The following BRD4 variants were observed in gnomAD, a reference collection of about 807,000 sequenced individuals.
The protein encoded by BRD4 is bromodomain containing 4, also known as bromodomain-containing protein 4.
BRD4 carries 16 observed loss-of-function variants against 142.1 expected under a neutral mutation model. The ratio of observed to expected loss-of-function variants is 0.11; its 90% CI spans 0.08 to 0.17. BRD4 has a LOEUF of 0.17. Ranked by LOEUF, BRD4 falls within the 10% of genes least tolerant of loss-of-function variation. The pLI is 1.00. For missense variants in BRD4, 1,424 were observed against 1,810.9 expected (o/e 0.79, Z 3.88); for synonymous variants, 833 against 707.5 (o/e 1.18, Z -2.82).
intron 11 of BRD4, chr19:15,253,728 G>C (rs563115748): frequency 2.5e-6 from 4 of 1,598,468 alleles, no homozygotes; most frequent in Non-Finnish European, 3.4e-6. Flanking sequence ...CGCACTGCAC[G>C]TGACTGTGAT....
At chr19:15,281,945 G>A (rs555424874) in intron 1 of BRD4, among the ~76,000 whole-genome samples, 35 of 152,298 alleles carry the variant, frequency 2.3e-4, no homozygotes, top group African/African-American at 8.4e-4. Flanking sequence ...TTGAACTTGG[G>A]AGGCAGAGGT....
At chr19:15,297,769 C>T (rs1268422695) in intron 1 of BRD4, among the ~76,000 whole-genome samples, 1 of 152,054 alleles carries the variant, frequency 6.6e-6, no homozygotes. Flanking sequence ...AGCCAGCCTT[C>T]GTCACAGCAG....
chr19:15,244,006 T>C (rs1022692868), intron 13 of BRD4, among the ~76,000 whole-genome samples: 1 of 152,250 alleles, frequency 6.6e-6, no homozygotes, highest in Non-Finnish European at 1.5e-5. Flanking sequence ...GTCAGTGTTT[T>C]AGAAACAAAA....
chr19:15,312,707 A>G (rs565397215), intron 1 of BRD4, among the ~76,000 whole-genome samples: 39 of 151,324 alleles, frequency 2.6e-4, no homozygotes, highest in African/African-American at 9.5e-4. Context: ...AGGCTGAGGT[A>G]GGTGAACCAC....
At chr19:15,326,153 TAAAAAAA>T (rs755812111) in intron 1 of BRD4, among the ~76,000 whole-genome samples, 1 of 100,956 alleles carries the variant, frequency 9.9e-6, no homozygotes, top group East Asian at 2.7e-4. Flanking sequence ...AATGTAGCAT[TAAAAAAA>T]AAAAAAAAAA....
chr19:15,254,705 G>A (rs983889621), intron 10 of BRD4, among the ~76,000 whole-genome samples: 19 of 152,094 alleles, frequency 1.2e-4, no homozygotes, highest in African/African-American at 3.6e-4. Context: ...TCAGACGCAC[G>A]CTGGAATCAT....
intron 1 of BRD4, among the ~76,000 whole-genome samples, chr19:15,297,374 C>T (rs1382038848): frequency 6.6e-6 from 1 of 152,200 alleles, no homozygotes; most frequent in Non-Finnish European, 1.5e-5. Context: ...ATGGACTATA[C>T]TGCTGCTCCC....
At chr19:15,246,795 C>G (rs543986190) in intron 11 of BRD4, among the ~76,000 whole-genome samples, 1 of 152,174 alleles carries the variant, frequency 6.6e-6, no homozygotes, top group Admixed American at 6.5e-5. Context: ...CTCCAGGGCC[C>G]CTTGCAAGTG....
rs200745181 is a variant in BRD4, at chr19:15,256,106, G to A, written c.1709C>T (p.Pro570Leu). The A allele has an allele frequency of 2.5e-6, 4 of 1,611,830 alleles. No individual in the cohort carries two copies. Among genetic ancestry groups the A allele is most frequent in the Non-Finnish European group, 3.4e-6 (4 of 1,179,840 alleles). Residue 570 changes from proline (P) to leucine (L), a missense_variant, in exon 9 of 20, where the codon CCT becomes CTT. This residue lies in a region of BRD4 where 86 missense variants were observed against 78.9 expected (regional missense o/e 1.09). Coordinates refer to ENST00000679869, the MANE Select transcript of BRD4 (RefSeq NM_001379291.1). ...NKKSKAKEPP[P>L]KKTKKNNSSN... Reference sequence around the variant, plus strand: ...GCTATTATTTTTCTTCGTCTTTTTAGGAGGAGGTTCCTTGGCTTTGCTTTT... The same window carrying A: ...GCTATTATTTTTCTTCGTCTTTTTAAGAGGAGGTTCCTTGGCTTTGCTTTT...
chr19:15,306,284 G>A (rs1429206372), intron 1 of BRD4, among the ~76,000 whole-genome samples: 2 of 152,110 alleles, frequency 1.3e-5, no homozygotes, highest in African/African-American at 4.8e-5. Context: ...GCCTTTTAGC[G>A]TTGTTAAAGG....
intron 14 of BRD4, among the ~76,000 whole-genome samples, chr19:15,242,230 C>T (rs2047243661): frequency 6.6e-6 from 1 of 152,212 alleles, no homozygotes; most frequent in Non-Finnish European, 1.5e-5. Flanking sequence ...CTGCTGAGGC[C>T]AGGACCCTCC....
At chr19:15,272,461 T>C (rs550411403) in intron 2 of BRD4, among the ~76,000 whole-genome samples, 3 of 152,188 alleles carry the variant, frequency 2.0e-5, no homozygotes, top group Non-Finnish European at 4.4e-5. Flanking sequence ...TGATCAACTA[T>C]GTCCACACCT....
At chr19:15,321,766 C>A (rs962106533) in intron 1 of BRD4, among the ~76,000 whole-genome samples, 3 of 152,178 alleles carry the variant, frequency 2.0e-5, no homozygotes, top group African/African-American at 7.2e-5. Context: ...GAATAATCGA[C>A]AAGTAGCTTA....
intron 1 of BRD4, among the ~76,000 whole-genome samples, chr19:15,319,543 G>A (rs979162818): frequency 1.5e-4 from 23 of 151,716 alleles, no homozygotes; most frequent in African/African-American, 5.6e-4. Context: ...AAACCTGGGA[G>A]GTCAAAGCTG....
chr19:15,253,862 C>G, intron 11 of BRD4: 1 of 1,258,004 alleles, frequency 7.9e-7, no homozygotes, highest in Non-Finnish European at 1.1e-6. Flanking sequence ...CTTCCCCGCC[C>G]ACCATCCAGG....
rs777966382 is a variant in BRD4 at position 15,244,753 on chromosome 19, G to C, written c.2168C>G (p.Pro723Arg). 1 of 1,614,036 alleles carries C rather than the reference G, an allele frequency of 6.2e-7. No homozygotes were observed. The highest frequency in any genetic ancestry group is 2.2e-5 in the East Asian group (1 of 44,878). Residue 723 changes from proline (P) to arginine (R), a missense_variant, in exon 12 of 20, where the codon CCG becomes CGG. Pro to Arg is a moderately radical substitution (Grantham distance 103). Around this residue, in one of 16 missense-constraint regions of BRD4, gnomAD observed 598 missense variants for 647.8 expected, o/e 0.92. Coordinates refer to ENST00000679869, the MANE Select transcript of BRD4 (RefSeq NM_001379291.1). ...GGGGTGCCCCTTCTTTTTTGACTTC[G>C]GAGCCATCTCTGCAGAGGAAAAGAG... ...DSEDSETEMA[P>R]KSKKKGHPGR...
chr19:15,325,588 C>T (rs2048100138), intron 1 of BRD4, among the ~76,000 whole-genome samples: 1 of 152,174 alleles, frequency 6.6e-6, no homozygotes, highest in Non-Finnish European at 1.5e-5. Context: ...TAAAATCTCA[C>T]CCCTATAAAC....
At chr19:15,323,390 G>A (rs1599531217) in intron 1 of BRD4, among the ~76,000 whole-genome samples, 1 of 152,030 alleles carries the variant, frequency 6.6e-6, no homozygotes, top group Non-Finnish European at 1.5e-5. Flanking sequence ...ATCCACCACT[G>A]GGCTGGCAGG....
intron 1 of BRD4, among the ~76,000 whole-genome samples, chr19:15,297,848 T>G (rs866852538): frequency 2.6e-5 from 4 of 152,338 alleles, no homozygotes; most frequent in South Asian, 2.1e-4. Context: ...ATAAGGACCA[T>G]GCCCAGGAAA....
Sources: allele counts gnomAD v4.1 joint callset (sites outside exome capture counted in the v4.1 genomes callset), GRCh38; gene constraint gnomAD v4.1.1; regional missense constraint gnomAD v4.1.1; transcripts MANE v1.5; gene names NCBI Gene and HGNC (gene_info 2026-07-23, HGNC 2026-07-21).